CEP83: variants seen among roughly 807,000 people sequenced by gnomAD.
CEP83 encodes centrosomal protein of 83 kDa.
In CEP83, 70 loss-of-function variants were observed where a neutral mutation model predicts 101.9. The observed-to-expected ratio is 0.69, with a 90% confidence interval of 0.57 to 0.84. CEP83 has a LOEUF of 0.84. Among genes scored for constraint, CEP83 ranks in the 40% least tolerant of loss-of-function variants. CEP83 has a pLI of 0.00. For missense variants in CEP83, 715 were observed against 787.2 expected (o/e 0.91, Z 1.10); for synonymous variants, 264 against 267.9 (o/e 0.99, Z 0.14).
intron 2 of CEP83, chr12:94,424,082 G>A: frequency 6.2e-7 from 1 of 1,610,376 alleles, no homozygotes; most frequent in Non-Finnish European, 8.5e-7. Flanking sequence ...TAGAGGAGAT[G>A]TCTGAGTCAC....
At chr12:94,397,500 AAATAAT>A (rs35538027) in intron 6 of CEP83, among the ~76,000 whole-genome samples, 1 of 150,602 alleles carries the variant, frequency 6.6e-6, no homozygotes, top group East Asian at 2.0e-4. Context: ...TCCATCTCAA[AAATAAT>A]AATAATAATA....
the CEP83 span, among the ~76,000 whole-genome samples, chr12:94,286,837 G>A: frequency 6.6e-6 from 1 of 152,118 alleles, no homozygotes; most frequent in Admixed American, 6.5e-5. Context: ...CAAACAGAGT[G>A]TAGCTGGTCT....
the CEP83 span, chr12:94,277,882 T>G: frequency 2.2e-6 from 1 of 454,744 alleles, no homozygotes; most frequent in African/African-American, 2.0e-5. Flanking sequence ...CCGGTACTGT[T>G]ATTACACCCA....
chr12:94,313,019 T>TTTTTAGAG lies in CEP83; in HGVS notation c.1708-3_1708-2insCTCTAAAA. ...TTTGTTTTCATGAAGAGATTTTCTC[T>TTTTTAGAG]AAAAAGAGAAATATGAACAAGTATG... On this transcript the variant is annotated splice_polypyrimidine_tract_variant and splice_region_variant and intron_variant, in intron 14 of 16. Coordinates refer to ENST00000397809, the MANE Select transcript of CEP83 (RefSeq NM_016122.3). The TTTTTAGAG allele has an allele frequency of 7.4e-7, 1 of 1,354,210 alleles. No individual in the cohort carries two copies. Among genetic ancestry groups the TTTTTAGAG allele is most frequent in the Non-Finnish European group, 1.0e-6 (1 of 957,414 alleles). 83.9% of individuals were successfully genotyped at this position (1,354,210 alleles called of 1,614,324 possible).
chr12:94,448,406 T>C (rs1008281475), intron 1 of CEP83, among the ~76,000 whole-genome samples: 2 of 152,132 alleles, frequency 1.3e-5, no homozygotes, highest in East Asian at 1.9e-4. Flanking sequence ...TGCAAGGATA[T>C]AGAAGTCTTG....
In CEP83 at chr12:94,312,509, T is replaced by C. The variant is rs192267713; in HGVS notation, c.1811+405A>G. On this transcript the variant is annotated intron_variant, in intron 15 of 16. Coordinates refer to ENST00000397809, the MANE Select transcript of CEP83 (RefSeq NM_016122.3). ...ATCCTGATTATCAGATGTGCTTGAA[T>C]GTGACTGCAAAACCCGAAACTACAG... 4 of 845,550 alleles carry C rather than the reference T, an allele frequency of 4.7e-6. No individual in the cohort carries two copies. The East Asian group carries it at 4.9e-4, about 104-fold the overall frequency. 52.4% of individuals were successfully genotyped at this position (845,550 alleles called of 1,614,324 possible).
At chr12:94,435,854 A>G (rs1365001170) in intron 1 of CEP83, among the ~76,000 whole-genome samples, 1 of 152,168 alleles carries the variant, frequency 6.6e-6, no homozygotes, top group Non-Finnish European at 1.5e-5. Context: ...CCTCCACTAC[A>G]GCAGGTGCTG....
chr12:94,374,551 A>G (rs868754955), intron 8 of CEP83, among the ~76,000 whole-genome samples: 29 of 152,298 alleles, frequency 1.9e-4, no homozygotes, highest in South Asian at 6.2e-4. Context: ...TATCTGTTGA[A>G]TATATAATCT....
downstream of CEP83, chr12:94,305,044 T>C (rs2136241568): frequency 1.6e-6 from 1 of 614,366 alleles, no homozygotes; most frequent in Non-Finnish European, 2.9e-6. Flanking sequence ...ACTTGCAAAG[T>C]GAGTATGTAA....
rs2060580864 is a variant in CEP83, at chr12:94,358,388, G to GA, written c.1343+9405dup. 2.6e-5 allele frequency among the ~76,000 whole-genome samples: 4 copies of GA among 152,242 alleles called. No individual in the cohort carries two copies. The South Asian group carries it at 8.3e-4, about 32-fold the overall frequency. On this transcript the variant is annotated intron_variant, in intron 11 of 16. Coordinates refer to ENST00000397809, the MANE Select transcript of CEP83 (RefSeq NM_016122.3). ...AGGTTTGAAAGAACCACTTCAAGTG[G>GA]AAAAAACAAAGTTCCCGCCAAACAT...
intron 6 of CEP83, among the ~76,000 whole-genome samples, chr12:94,391,961 C>T (rs762766262): frequency 2.0e-5 from 3 of 152,046 alleles, no homozygotes; most frequent in Non-Finnish European, 4.4e-5. Context: ...ACATATGCAC[C>T]CAATATAGGA....
intron 2 of CEP83, among the ~76,000 whole-genome samples, chr12:94,429,713 A>C (rs1343953026): frequency 6.6e-6 from 1 of 152,102 alleles, no homozygotes; most frequent in Non-Finnish European, 1.5e-5. Flanking sequence ...TGCTACCAGG[A>C]CTAAGGAATA....
At chr12:94,275,667 A>C in the CEP83 span, among the ~76,000 whole-genome samples, 4 of 94,826 alleles carry the variant, frequency 4.2e-5, no homozygotes, top group Non-Finnish European at 8.6e-5. Context: ...TCCCGGCTAA[A>C]ACGGTGAAAC....
chr12:94,330,855 C>T (rs1038711052), intron 14 of CEP83, among the ~76,000 whole-genome samples: 2 of 152,154 alleles, frequency 1.3e-5, no homozygotes, highest in Non-Finnish European at 2.9e-5. Flanking sequence ...GACTTACATA[C>T]AAAATTTAGA....
rs543298844 is a variant in CEP83 at position 94,442,367 on chromosome 12, G to C, written c.-154-7040C>G. On this transcript the variant is annotated intron_variant, in intron 1 of 16. Coordinates refer to ENST00000397809, the MANE Select transcript of CEP83 (RefSeq NM_016122.3). ...ATAATGGACTCTGGGGACCTGGGGG[G>C]AAGGAGGGAGGGGGGTGAGGGTTAA... Among the ~76,000 whole-genome samples the C allele has an allele frequency of 1.3e-4, 20 of 150,500 alleles. 1 individual carries two copies. In the East Asian group the frequency reaches 3.7e-3, roughly 28 times the overall value.
intron 4 of CEP83, among the ~76,000 whole-genome samples, chr12:94,403,517 T>C (rs1332395824): frequency 6.6e-6 from 1 of 152,242 alleles, no homozygotes; most frequent in Non-Finnish European, 1.5e-5. Context: ...ATTGCTATTG[T>C]TAGGAATAAC....
downstream of CEP83, chr12:94,307,176 C>G (rs917105604): frequency 3.3e-5 from 5 of 152,214 alleles, no homozygotes; most frequent in African/African-American, 1.2e-4. Flanking sequence ...GAGTTACCTC[C>G]TCTTCCAGGG....
In CEP83 at chr12:94,378,789, A is replaced by T. The variant is rs1593542191; in HGVS notation, c.801+2T>A. ...TCTACTGGGAAGTAATTAGAATCTT[A>T]CCTCCAGGGATCTGACTGTAGCCTG... On this transcript the variant is annotated splice_donor_variant, in intron 7 of 16. Transcript: ENST00000397809. LOFTEE classifies it high-confidence loss of function. The T allele has an allele frequency of 1.2e-6, 2 of 1,613,490 alleles. No homozygotes were observed. Among genetic ancestry groups the T allele is most frequent in the Non-Finnish European group, 1.7e-6 (2 of 1,179,786 alleles).
chr12:94,389,136 A>C (rs2137344127), intron 6 of CEP83, among the ~76,000 whole-genome samples: 1 of 152,350 alleles, frequency 6.6e-6, no homozygotes, highest in African/African-American at 2.4e-5. Flanking sequence ...TAAAAAAGAA[A>C]GAAAGAAAAT....
Sources: allele counts gnomAD v4.1 joint callset (sites outside exome capture counted in the v4.1 genomes callset), GRCh38; gene constraint gnomAD v4.1.1; transcripts MANE v1.5; gene names NCBI Gene and HGNC (gene_info 2026-07-23, HGNC 2026-07-21).